The following C10orf90 variants were observed in gnomAD, a reference collection of about 807,000 sequenced individuals.
The protein encoded by C10orf90 is (E2-independent) E3 ubiquitin-conjugating enzyme FATS.
A neutral mutation model predicts 62.5 loss-of-function variants in C10orf90; 56 were observed. The ratio of observed to expected loss-of-function variants is 0.90; its 90% CI spans 0.72 to 1.12. The LOEUF (loss-of-function observed/expected upper bound fraction) is 1.12, where lower values mean the gene tolerates loss of function less well. C10orf90 is among the 50% of genes most tolerant of loss of function. The pLI is 0.00. For missense variants in C10orf90, 970 were observed against 880.4 expected, an observed-to-expected ratio of 1.10 and a Z score of -1.29; for synonymous variants, 386 against 340.4, an observed-to-expected ratio of 1.13 and a Z score of -1.47.
intron 2 of C10orf90, among the ~76,000 whole-genome samples, chr10:126,554,634 C>T (rs1864718296): frequency 6.6e-6 from 1 of 152,216 alleles, no homozygotes; most frequent in Non-Finnish European, 1.5e-5. Flanking sequence ...TAATTTTACT[C>T]TCACAGTGAT....
chr10:126,447,836 C>CGTT (rs969791331), intron 7 of C10orf90, among the ~76,000 whole-genome samples: 1 of 48,200 alleles, frequency 2.1e-5, no homozygotes, highest in African/African-American at 1.2e-4. Flanking sequence ...AGTATCTTTT[C>CGTT]GTTGTTGTTG....
intron 7 of C10orf90, among the ~76,000 whole-genome samples, chr10:126,449,092 A>C (rs1219429958): frequency 6.6e-6 from 1 of 152,234 alleles, no homozygotes; most frequent in Non-Finnish European, 1.5e-5. Flanking sequence ...AGAAAAAGGA[A>C]ATTACAGACC....
intron 2 of C10orf90, among the ~76,000 whole-genome samples, chr10:126,567,067 G>A (rs949117066): frequency 9.2e-5 from 14 of 152,166 alleles, no homozygotes; most frequent in Non-Finnish European, 1.8e-4. Flanking sequence ...GGGACCCTGC[G>A]GGGAGCCACA....
rs370338146 is a variant in C10orf90 at position 126,656,944 on chromosome 10, G to A, written c.241-10307C>T. On this transcript the variant is annotated intron_variant, in intron 1 of 9. Coordinates refer to ENST00000488181, the MANE Select transcript of C10orf90 (RefSeq NM_001350921.2). Reference sequence around the variant, plus strand: ...AACATACAACTAGTTCGGGAAACAGGACATGCACCTGACCTCAGGGATCTC... The same window carrying A: ...AACATACAACTAGTTCGGGAAACAGAACATGCACCTGACCTCAGGGATCTC... Among the ~76,000 whole-genome samples, 256 of 152,258 alleles carry A rather than the reference G, an allele frequency of 1.7e-3. 2 individuals carry two copies. The Middle Eastern group carries it at 0.031, about 18-fold the overall frequency.
intron 7 of C10orf90, among the ~76,000 whole-genome samples, chr10:126,438,947 T>C: frequency 6.6e-6 from 1 of 151,772 alleles, no homozygotes; most frequent in Non-Finnish European, 1.5e-5. Context: ...GGAGTTGTGT[T>C]CCCTCCATAT....
At chr10:126,590,720 C>T (rs2134027644) in intron 2 of C10orf90, among the ~76,000 whole-genome samples, 1 of 152,162 alleles carries the variant, frequency 6.6e-6, no homozygotes, top group African/African-American at 2.4e-5. Context: ...TAAATGGTCA[C>T]ACCAAAAAGC....
chr10:126,556,268 A>C (rs1864770092), intron 2 of C10orf90, among the ~76,000 whole-genome samples: 1 of 152,212 alleles, frequency 6.6e-6, no homozygotes, highest in Non-Finnish European at 1.5e-5. Context: ...GTCAACAGCG[A>C]GTACTACAGA....
intron 2 of C10orf90, among the ~76,000 whole-genome samples, chr10:126,543,335 G>T (rs1480437905): frequency 6.6e-6 from 1 of 152,154 alleles, no homozygotes; most frequent in Admixed American, 6.6e-5. Context: ...AAACATTCCT[G>T]CCTCAAAAGG....
chr10:126,572,445 G>T (rs1366890807), intron 2 of C10orf90, among the ~76,000 whole-genome samples: 1 of 152,154 alleles, frequency 6.6e-6, no homozygotes, highest in Non-Finnish European at 1.5e-5. Flanking sequence ...GCTGGTTGCT[G>T]ATTTTTATGG....
Position 126,505,214 on chromosome 10 carries a change from T to C in C10orf90, c.406-129A>G, listed in dbSNP as rs1862662347. On this transcript the variant is annotated intron_variant, in intron 3 of 9. Coordinates refer to ENST00000488181, the MANE Select transcript of C10orf90 (RefSeq NM_001350921.2). ...CACTCAGATGTCTTGTCCAAGGCTT[T>C]TTACTGCACACCTGATGCTCAGAGA... 5.7e-6 allele frequency: 5 copies of C among 870,726 alleles called. No individual in the cohort carries two copies. The East Asian group carries it at 1.1e-4, about 19-fold the overall frequency. The allele number at this position is 870,726 out of a possible 1,614,324, so 53.9% of individuals were successfully genotyped here.
rs150888605 is a variant in C10orf90 at position 126,459,201 on chromosome 10, C to T, written c.2027G>A (p.Arg676His). The T allele has an allele frequency of 9.7e-5, 156 of 1,613,954 alleles. No homozygotes were observed. The highest frequency in any genetic ancestry group is 7.4e-4 in the South Asian group (67 of 91,078). Reference sequence around the variant, plus strand: ...TGAGCGAGAAATGAACTGAGGCTTACGAACTTCCAGTGCTTCCTATGCAAA... The same window carrying T: ...TGAGCGAGAAATGAACTGAGGCTTATGAACTTCCAGTGCTTCCTATGCAAA... ...SLTLQEALEV[R>H]KPQFISRSQE... The change falls in exon 7 of 10, where the codon CGT (arginine) becomes CAT (histidine). Residue 676 changes from arginine (R) to histidine (H), a missense_variant. Physicochemically the swap from Arg to His is conservative, Grantham distance 29. Transcript: ENST00000488181.
intron 2 of C10orf90, among the ~76,000 whole-genome samples, 176 bp from the exon 3 acceptor site, chr10:126,514,115 A>G (rs958445036): frequency 1.3e-5 from 2 of 152,168 alleles, no homozygotes; most frequent in African/African-American, 4.8e-5. Context: ...CATGCCCTCC[A>G]TTTAACCTCT....
At chr10:126,442,633 GTATATATATATATATATATATATATATA>G (rs56368633) in intron 7 of C10orf90, among the ~76,000 whole-genome samples, 44 of 88,458 alleles carry the variant, frequency 5.0e-4, no homozygotes, top group Middle Eastern at 7.4e-3. Flanking sequence ...TTGTGTGTGT[GTATATATATATATATATATATATATATA>G]TATATATATA....
At chr10:126,557,728 G>A (rs1317174782) in intron 2 of C10orf90, among the ~76,000 whole-genome samples, 1 of 152,128 alleles carries the variant, frequency 6.6e-6, no homozygotes, top group Non-Finnish European at 1.5e-5. Flanking sequence ...ATTCACCCAG[G>A]TTAACACTTG....
intron 4 of C10orf90, among the ~76,000 whole-genome samples, chr10:126,488,606 C>T (rs1306812451): frequency 6.6e-6 from 1 of 151,850 alleles, no homozygotes; most frequent in Non-Finnish European, 1.5e-5. Flanking sequence ...AATGGACAAA[C>T]CTGTAGCTGG....
chr10:126,426,127 T>C, intron 8 of C10orf90, 37 bp from the exon 9 acceptor site: 1 of 1,543,938 alleles, frequency 6.5e-7, no homozygotes, highest in Non-Finnish European at 8.9e-7. Context: ...AATGGTAGCT[T>C]GACAGCGTGC....
At chr10:126,451,473 A>ATG (rs146843730) in intron 7 of C10orf90, among the ~76,000 whole-genome samples, 2 of 151,700 alleles carry the variant, frequency 1.3e-5, no homozygotes, top group East Asian at 1.9e-4. Context: ...GTGTGTGTAT[A>ATG]TGTGTGTGTG....
Position 126,504,650 on chromosome 10 carries a change from C to G in C10orf90, c.841G>C (p.Ala281Pro). ...FQAPPALANG[A>P]HPGRHQRSFA... Reference sequence around the variant, plus strand: ...GATCTCTGATGCCGACCTGGATGGGCGCCATTGGCCAGAGCCGGGGGCGCC... The same window carrying G: ...GATCTCTGATGCCGACCTGGATGGGGGCCATTGGCCAGAGCCGGGGGCGCC... Residue 281 changes from alanine (A) to proline (P), a missense_variant, in exon 4 of 10, where the codon GCC becomes CCC. Transcript: ENST00000488181. This position sits in a 1 kb window ranked among gnomAD's most constrained non-coding sequence, Gnocchi z 4.1. The G allele has an allele frequency of 6.2e-7, 1 of 1,614,226 alleles. No homozygotes were observed. Among genetic ancestry groups the G allele is most frequent in the Non-Finnish European group, 8.5e-7 (1 of 1,180,036 alleles).
In C10orf90 at chr10:126,566,369, T is replaced by C. The variant is rs1844389835; in HGVS notation, c.314-52430A>G. On this transcript the variant is annotated intron_variant, in intron 2 of 9. Transcript: ENST00000488181. ...CCTGGAGATAAAACAGTGAAGAAAG[T>C]GGACTGAATCTTTACTCAGAGGAAG... Among the ~76,000 whole-genome samples, 4 of 152,118 alleles carry C rather than the reference T, an allele frequency of 2.6e-5. No individual in the cohort carries two copies. In the South Asian group the frequency reaches 8.3e-4, roughly 31 times the overall value.
Sources: allele counts gnomAD v4.1 joint callset (sites outside exome capture counted in the v4.1 genomes callset), GRCh38; gene constraint gnomAD v4.1.1; non-coding constraint Gnocchi (gnomAD v3.1); transcripts MANE v1.5; gene names NCBI Gene and HGNC (gene_info 2026-07-23, HGNC 2026-07-21).